Variants in AIG1 observed in about 807,000 individuals in gnomAD.
AIG1 encodes the protein androgen induced 1.
AIG1 carries 23 observed loss-of-function variants against 31.4 expected under a neutral mutation model. The ratio of observed to expected loss-of-function variants is 0.73; its 90% CI spans 0.53 to 1.04. The LOEUF is 1.04. Among genes scored for constraint, AIG1 ranks in the 50% least tolerant of loss-of-function variants. AIG1 has a pLI of 0.00. For missense variants in AIG1, 274 were observed against 295.0 expected, an observed-to-expected ratio of 0.93 and a Z score of 0.52; for synonymous variants, 100 against 110.5, an observed-to-expected ratio of 0.90 and a Z score of 0.60.
At chr6:143,080,356 A>G (rs749249380) in intron 1 of AIG1, among the ~76,000 whole-genome samples, 5 of 152,174 alleles carry the variant, frequency 3.3e-5, no homozygotes, top group Non-Finnish European at 5.9e-5. Context: ...TTGAAGAACC[A>G]TTTGTAGTTT....
chr6:143,294,300 C>G (rs1798271970), intron 4 of AIG1, among the ~76,000 whole-genome samples: 1 of 152,184 alleles, frequency 6.6e-6, no homozygotes. Flanking sequence ...CTAGCTGCTT[C>G]CCTATTTCCC....
chr6:143,294,532 CA>C (rs1434322391), intron 4 of AIG1, among the ~76,000 whole-genome samples: 9 of 152,158 alleles, frequency 5.9e-5, no homozygotes, highest in African/African-American at 2.2e-4. Flanking sequence ...ATAAGTCTCT[CA>C]TCAGATTGGC....
chr6:143,157,321 C>T (rs999693976), intron 2 of AIG1, among the ~76,000 whole-genome samples: 9 of 152,088 alleles, frequency 5.9e-5, no homozygotes, highest in African/African-American at 2.2e-4. Context: ...TGGCCTCAGG[C>T]CTTGCCTTCC....
At chr6:143,154,622 G>A (rs1785549330) in intron 2 of AIG1, among the ~76,000 whole-genome samples, 1 of 152,104 alleles carries the variant, frequency 6.6e-6, no homozygotes, top group Non-Finnish European at 1.5e-5. Context: ...GTGTGATACC[G>A]CTCCCACCTC....
intron 1 of AIG1, among the ~76,000 whole-genome samples, chr6:143,118,783 G>A (rs1391530579): frequency 6.6e-6 from 1 of 152,054 alleles, no homozygotes; most frequent in Non-Finnish European, 1.5e-5. Flanking sequence ...TTACAACAAA[G>A]AGGGGCTTGA....
chr6:143,319,019 T>C lies in AIG1; in HGVS notation c.516-14263T>C, dbSNP rs1775986291. Reference sequence around the variant, plus strand: ...TGGGGAAAAGGGAACATTTTTACACTGCTGATGGGAATGTAAACTAGTACA... The same window carrying C: ...TGGGGAAAAGGGAACATTTTTACACCGCTGATGGGAATGTAAACTAGTACA... On this transcript the variant is annotated intron_variant, in intron 4 of 5. Coordinates refer to ENST00000357847, the MANE Select transcript of AIG1 (RefSeq NM_016108.4). Among the ~76,000 whole-genome samples the C allele has an allele frequency of 2.0e-5, 3 of 152,180 alleles. No homozygotes were observed. The South Asian group carries it at 6.2e-4, about 32-fold the overall frequency.
chr6:143,149,010 G>T (rs1430127348), intron 2 of AIG1, among the ~76,000 whole-genome samples: 1 of 152,072 alleles, frequency 6.6e-6, no homozygotes, highest in Non-Finnish European at 1.5e-5. Context: ...ATACCACCTA[G>T]GTTTGTGTAA....
intron 1 of AIG1, among the ~76,000 whole-genome samples, chr6:143,094,866 A>G (rs573125583): frequency 2.0e-5 from 3 of 152,338 alleles, no homozygotes; most frequent in African/African-American, 4.8e-5. Flanking sequence ...AGGAAACAAA[A>G]AAGTTTAGAA....
At chr6:143,335,251 T>C (rs2128724787) in intron 5 of AIG1, 1 of 808,596 alleles carries the variant, frequency 1.2e-6, no homozygotes, top group Non-Finnish European at 1.7e-6. Context: ...TGGGTGATTT[T>C]GGCTGGGCGC....
rs144312079 is a variant in AIG1, at chr6:143,082,247, A to T, written c.141+21181A>T. Among the ~76,000 whole-genome samples, 61 of 152,288 alleles carry T rather than the reference A, an allele frequency of 4.0e-4. No individual in the cohort carries two copies. The East Asian group carries it at 0.01, about 26-fold the overall frequency. ...TGGAGTGAGGGGATTACTTTCAAGTATTCCATTATCACTGAACACTGCGTA... is the reference window on the plus strand; with the variant it reads ...TGGAGTGAGGGGATTACTTTCAAGTTTTCCATTATCACTGAACACTGCGTA... On this transcript the variant is annotated intron_variant, in intron 1 of 5. Coordinates refer to ENST00000357847, the MANE Select transcript of AIG1 (RefSeq NM_016108.4).
At chr6:143,120,858 C>T (rs752748745) in intron 1 of AIG1, among the ~76,000 whole-genome samples, 27 of 152,172 alleles carry the variant, frequency 1.8e-4, no homozygotes, top group Non-Finnish European at 2.8e-4. Context: ...TCGTGATGGC[C>T]GTGATGCCCA....
At chr6:143,210,813 A>G (rs373871154) in intron 3 of AIG1, among the ~76,000 whole-genome samples, 1 of 152,220 alleles carries the variant, frequency 6.6e-6, no homozygotes, top group South Asian at 2.1e-4. Flanking sequence ...TCAAATCAAT[A>G]TGGCAAAATT....
At chr6:143,161,030 G>GTT (rs1309843422) in intron 2 of AIG1, among the ~76,000 whole-genome samples, 4 of 152,152 alleles carry the variant, frequency 2.6e-5, no homozygotes, top group African/African-American at 7.2e-5. Flanking sequence ...ACAGTGATAT[G>GTT]TTAGTAAATA....
chr6:143,138,331 T>G (rs1270923149), intron 2 of AIG1, among the ~76,000 whole-genome samples: 2 of 152,184 alleles, frequency 1.3e-5, no homozygotes, highest in Non-Finnish European at 2.9e-5. Flanking sequence ...TTCAAATACT[T>G]TCTATCAGAA....
intron 1 of AIG1, among the ~76,000 whole-genome samples, chr6:143,086,279 T>C (rs1778772792): frequency 6.6e-6 from 1 of 152,214 alleles, no homozygotes; most frequent in South Asian, 2.1e-4. Flanking sequence ...CCTTCAATTA[T>C]CAATTATAGG....
intron 2 of AIG1, among the ~76,000 whole-genome samples, chr6:143,164,660 G>GAACC (rs1786742901): frequency 6.6e-6 from 1 of 152,162 alleles, no homozygotes; most frequent in Non-Finnish European, 1.5e-5. Flanking sequence ...ACCACATGAT[G>GAACC]GGTTCAAGGA....
At chr6:143,235,047 A>T (rs1793709849) in intron 3 of AIG1, among the ~76,000 whole-genome samples, 1 of 152,180 alleles carries the variant, frequency 6.6e-6, no homozygotes, top group African/African-American at 2.4e-5. Flanking sequence ...TTATTCATTC[A>T]TTCATCTGTC....
chr6:143,306,010 G>A (rs2128702685), intron 4 of AIG1, among the ~76,000 whole-genome samples: 1 of 149,892 alleles, frequency 6.7e-6, no homozygotes, highest in South Asian at 2.1e-4. Context: ...GATCTTTGTT[G>A]GTTTAAAGTC....
chr6:143,189,857 C>G (rs1296581212), intron 3 of AIG1: 1 of 936,206 alleles, frequency 1.1e-6, no homozygotes, highest in African/African-American at 1.8e-5. Flanking sequence ...AACAAAATAG[C>G]ACAATTGGGT....
Sources: gnomAD v4.1 joint callset for allele counts (sites outside exome capture counted in the v4.1 genomes callset) on GRCh38, gnomAD v4.1.1 for gene constraint, MANE v1.5 for transcripts, NCBI Gene and HGNC (gene_info 2026-07-23, HGNC 2026-07-21) for gene names.